GUCA1C: variants seen among roughly 807,000 people sequenced by gnomAD.
The protein encoded by GUCA1C is guanylyl cyclase-activating protein 3.
A neutral mutation model predicts 16.2 loss-of-function variants in GUCA1C; 15 were observed. The ratio of observed to expected loss-of-function variants is 0.93; its 90% CI spans 0.62 to 1.43. The LOEUF (loss-of-function observed/expected upper bound fraction) is 1.43, where lower values mean the gene tolerates loss of function less well. Among genes scored for constraint, GUCA1C ranks in the 40% most tolerant of loss-of-function variants. GUCA1C has a pLI of 0.00. For missense variants in GUCA1C, 275 were observed against 244.8 expected, an observed-to-expected ratio of 1.12 and a Z score of -0.82; for synonymous variants, 78 against 85.4, an observed-to-expected ratio of 0.91 and a Z score of 0.48.
At chr3:108,931,900 G>A (rs1349225376) in intron 1 of GUCA1C, among the ~76,000 whole-genome samples, 2 of 126,778 alleles carry the variant, frequency 1.6e-5, no homozygotes, top group African/African-American at 3.1e-5. Context: ...ACGGAGTCTC[G>A]CTCTGTCACC....
At chr3:108,949,947 A>G (rs1946882415) in intron 1 of GUCA1C, among the ~76,000 whole-genome samples, 1 of 152,176 alleles carries the variant, frequency 6.6e-6, no homozygotes, top group Non-Finnish European at 1.5e-5. Context: ...ATATTTTATT[A>G]ACCATAGTCA....
At chr3:108,921,060 G>T (rs1268907675) in intron 1 of GUCA1C, among the ~76,000 whole-genome samples, 1 of 152,060 alleles carries the variant, frequency 6.6e-6, no homozygotes, top group Admixed American at 6.6e-5. Flanking sequence ...GAGTAGTTTT[G>T]CTATCCTAAA....
At chr3:108,933,364 T>C (rs1946690504) in intron 1 of GUCA1C, among the ~76,000 whole-genome samples, 1 of 131,382 alleles carries the variant, frequency 7.6e-6, no homozygotes, top group African/African-American at 2.6e-5. Flanking sequence ...TTTATTGATG[T>C]ATACATCATG....
At chr3:108,929,572 A>T (rs1946649204) in intron 1 of GUCA1C, among the ~76,000 whole-genome samples, 1 of 152,136 alleles carries the variant, frequency 6.6e-6, no homozygotes, top group Admixed American at 6.5e-5. Flanking sequence ...ATTAAGTATA[A>T]GGCTTACTGT....
chr3:108,934,169 G>C (rs1007694112), intron 1 of GUCA1C, among the ~76,000 whole-genome samples: 7 of 151,728 alleles, frequency 4.6e-5, no homozygotes, highest in African/African-American at 1.7e-4. Flanking sequence ...ACACACCAGG[G>C]CCTGCTGGGG....
chr3:108,946,587 G>A (rs1169453648), intron 1 of GUCA1C, among the ~76,000 whole-genome samples: 1 of 152,150 alleles, frequency 6.6e-6, no homozygotes, highest in Non-Finnish European at 1.5e-5. Context: ...CAATAATTAT[G>A]TGCCTGTAAA....
chr3:108,933,164 T>C (rs1203247998), intron 1 of GUCA1C, among the ~76,000 whole-genome samples: 3 of 152,162 alleles, frequency 2.0e-5, no homozygotes, highest in Non-Finnish European at 4.4e-5. Context: ...CCAATTTTTC[T>C]TGTAATTCTA....
chr3:108,908,880 G>A (rs961786318), intron 3 of GUCA1C, among the ~76,000 whole-genome samples: 2 of 152,184 alleles, frequency 1.3e-5, no homozygotes, highest in African/African-American at 4.8e-5. Context: ...TGGGGAGGGG[G>A]AATTCTCTGT....
chr3:108,927,223 G>C lies in GUCA1C; in HGVS notation c.205-6638C>G, dbSNP rs189668002. On this transcript the variant is annotated intron_variant, in intron 1 of 3. Coordinates refer to ENST00000261047, the MANE Select transcript of GUCA1C (RefSeq NM_005459.4). Reference sequence around the variant, plus strand: ...TATGTGCCTAGGCAATGATCTTTTTGTGAAAAATTTCCCAGGTGATCTTTG... The same window carrying C: ...TATGTGCCTAGGCAATGATCTTTTTCTGAAAAATTTCCCAGGTGATCTTTG... Among the ~76,000 whole-genome samples the C allele has an allele frequency of 3.4e-3, 523 of 152,132 alleles. 1 individual carries two copies. The highest frequency in any genetic ancestry group is 0.011 in the African/African-American group (452 of 41,518).
intron 1 of GUCA1C, among the ~76,000 whole-genome samples, chr3:108,932,041 G>A (rs1485100658): frequency 6.6e-6 from 1 of 151,198 alleles, no homozygotes; most frequent in Admixed American, 6.6e-5. Context: ...TAGTAGAGAC[G>A]GGGTTTCACC....
chr3:108,937,389 G>A (rs1429254382), intron 1 of GUCA1C, among the ~76,000 whole-genome samples: 4 of 152,122 alleles, frequency 2.6e-5, no homozygotes, highest in African/African-American at 4.8e-5. Flanking sequence ...CGTAACTCCA[G>A]AAACAGATAC....
At chr3:108,912,070 A>T (rs1392337704) in intron 3 of GUCA1C, among the ~76,000 whole-genome samples, 1 of 136,558 alleles carries the variant, frequency 7.3e-6, no homozygotes, top group Non-Finnish European at 1.6e-5. Flanking sequence ...GTGCCATTGC[A>T]CTCCAGCCTG....
chr3:108,939,323 G>GTTTTTTTTTTTTTTTTTTT (rs1491279760), intron 1 of GUCA1C, among the ~76,000 whole-genome samples: 4 of 33,224 alleles, frequency 1.2e-4, no homozygotes, highest in Admixed American at 2.7e-4. Context: ...TTGCTTCAAG[G>GTTTTTTTTTTTTTTTTTTT]CTTTTTTTTT....
At chr3:108,916,001 T>C (rs1576544542) in intron 3 of GUCA1C, 126 bp downstream of exon 3, 1 of 1,074,410 alleles carries the variant, frequency 9.3e-7, no homozygotes, top group Non-Finnish European at 1.3e-6. Flanking sequence ...ATTGGTCCCA[T>C]TATGAAGCCT....
chr3:108,955,065 T>C (rs1319912972), upstream of GUCA1C, among the ~76,000 whole-genome samples: 1 of 152,080 alleles, frequency 6.6e-6, no homozygotes, highest in Non-Finnish European at 1.5e-5. Context: ...CTCAATTCTT[T>C]CTTTTATTTT....
intron 1 of GUCA1C, among the ~76,000 whole-genome samples, chr3:108,936,923 TC>T (rs1207288077): frequency 1.3e-5 from 2 of 152,196 alleles, no homozygotes; most frequent in African/African-American, 2.4e-5. Flanking sequence ...TGGCTCATTC[TC>T]TTTTTATCCT....
chr3:108,932,924 C>CAAA (rs57918246), intron 1 of GUCA1C, among the ~76,000 whole-genome samples: 74 of 68,508 alleles, frequency 1.1e-3, no homozygotes, highest in Middle Eastern at 9.6e-3. Context: ...AAAAAAATCT[C>CAAA]AAAAAAAAAA....
chr3:108,927,248 G>A (rs1420964865), intron 1 of GUCA1C, among the ~76,000 whole-genome samples: 1 of 152,110 alleles, frequency 6.6e-6, no homozygotes, highest in Non-Finnish European at 1.5e-5. Context: ...GGTGATCTTT[G>A]AGCCTCTTGT....
chr3:108,912,125 C>A (rs200584311), intron 3 of GUCA1C, among the ~76,000 whole-genome samples: 2 of 9,346 alleles, frequency 2.1e-4, no homozygotes, highest in Non-Finnish European at 3.9e-4. Context: ...TAATAATAAT[C>A]ACCCTTTTCA....
Sources: allele counts gnomAD v4.1 joint callset (sites outside exome capture counted in the v4.1 genomes callset), GRCh38; gene constraint gnomAD v4.1.1; transcripts MANE v1.5; gene names NCBI Gene and HGNC (gene_info 2026-07-23, HGNC 2026-07-21).